Variants in CCM2 observed in about 807,000 individuals in gnomAD.
CCM2 encodes the protein cerebral cavernous malformations 2 protein.
In CCM2, 25 loss-of-function variants were observed where a neutral mutation model predicts 44.9. That is an observed-to-expected ratio of 0.56 (90% CI 0.41 to 0.78). The LOEUF (loss-of-function observed/expected upper bound fraction) is 0.78. Among genes scored for constraint, CCM2 ranks in the 30% least tolerant of loss-of-function variants. The pLI is 0.00. For synonymous variants in CCM2, 219 were observed against 241.1 expected, an observed-to-expected ratio of 0.91 and a Z score of 0.85; for missense variants, 481 against 580.6, an observed-to-expected ratio of 0.83 and a Z score of 1.76.
intron 1 of CCM2, among the ~76,000 whole-genome samples, chr7:45,034,959 C>T (rs1215511636): frequency 6.6e-6 from 1 of 152,250 alleles, no homozygotes; most frequent in Non-Finnish European, 1.5e-5. Context: ...GCCTCAGCCT[C>T]CCAAGTAGCT....
chr7:45,027,669 G>T (rs758062005), intron 1 of CCM2: 5 of 1,613,870 alleles, frequency 3.1e-6, no homozygotes, highest in Non-Finnish European at 3.4e-6. Context: ...CTAACATCTG[G>T]CCATATTTTT....
intron 2 of CCM2, among the ~76,000 whole-genome samples, chr7:45,044,982 G>A (rs1175733548): frequency 6.6e-6 from 1 of 152,188 alleles, no homozygotes; most frequent in African/African-American, 2.4e-5. Context: ...TTTGGATAGT[G>A]CTGTTCTGAA....
Position 45,064,550 on chromosome 7 carries a change from G to A in CCM2, c.376G>A (p.Asp126Asn). 1 of 1,614,022 alleles carries A rather than the reference G, an allele frequency of 6.2e-7. No homozygotes were observed. The highest frequency in any genetic ancestry group is 1.1e-5 in the South Asian group (1 of 91,074). The change falls in exon 4 of 10, where the codon GAC (aspartate) becomes AAC (asparagine). Residue 126 changes from aspartate (D) to asparagine (N), a missense_variant. Asp to Asn is a conservative substitution (Grantham distance 23). Transcript: ENST00000258781. Reference sequence around the variant, plus strand: ...GTACAACGTCAAGCTGGCCTGGAGGGACGGGGAGGATATCATCCTCAGGGT... The same window carrying A: ...GTACAACGTCAAGCTGGCCTGGAGGAACGGGGAGGATATCATCCTCAGGGT... ...SAYNVKLAWR[D>N]GEDIILRVPI...
intron 1 of CCM2, among the ~76,000 whole-genome samples, chr7:45,009,393 G>A (rs974952170): frequency 4.2e-5 from 6 of 144,486 alleles, no homozygotes; most frequent in African/African-American, 1.5e-4. Flanking sequence ...ACTAACGTTG[G>A]CTATACTTGT....
At chr7:45,036,201 A>C (rs1168400880) in intron 1 of CCM2, among the ~76,000 whole-genome samples, 1 of 152,194 alleles carries the variant, frequency 6.6e-6, no homozygotes, top group East Asian at 1.9e-4. Context: ...GCGTGGTGGC[A>C]GCGTTAGTGC....
rs1307607678 is a variant in CCM2, at chr7:45,072,960, G to A, written c.803+177G>A. ...AGGCCTGGCTCGCCGCCCTCTCCTCGTAGACTTCTAGAGCCCTTGCTGTCC... is the reference window on the plus strand; with the variant it reads ...AGGCCTGGCTCGCCGCCCTCTCCTCATAGACTTCTAGAGCCCTTGCTGTCC... On this transcript the variant is annotated intron_variant, in intron 7 of 9. Transcript: ENST00000258781. The A allele has an allele frequency of 4.1e-5, 28 of 687,160 alleles. No individual in the cohort carries two copies. The East Asian group carries it at 4.6e-4, about 11-fold the overall frequency. 42.6% of individuals were successfully genotyped at this position (687,160 alleles called of 1,614,324 possible).
At chr7:45,014,088 G>A (rs1321355343) in intron 1 of CCM2, among the ~76,000 whole-genome samples, 1 of 151,972 alleles carries the variant, frequency 6.6e-6, no homozygotes, top group Non-Finnish European at 1.5e-5. Flanking sequence ...TCAGCCAGTG[G>A]GAAGCACTTT....
Position 45,069,821 on chromosome 7 carries a change from T to G in CCM2, c.610-5T>G. 6.2e-7 allele frequency: 1 copy of G among 1,614,092 alleles called. No homozygotes were observed. The highest frequency in any genetic ancestry group is 8.5e-7 in the Non-Finnish European group (1 of 1,180,054). The stretch of plus-strand genomic sequence containing the variant: ...TGACCGAGCAGCTGCTGTCCCCCAC[T>G]GCAGGTCGCTGCGGAGGAGCTTTGC... On this transcript the variant is annotated splice_polypyrimidine_tract_variant and splice_region_variant and intron_variant, in intron 5 of 9. Coordinates refer to ENST00000258781, the MANE Select transcript of CCM2 (RefSeq NM_031443.4).
chr7:45,007,117 G>A (rs1687997767), intron 1 of CCM2, among the ~76,000 whole-genome samples: 1 of 152,188 alleles, frequency 6.6e-6, no homozygotes, highest in Admixed American at 6.5e-5. Flanking sequence ...TGTCAACATG[G>A]CCACGGACGA....
intron 2 of CCM2, 79 bp from the exon 3 acceptor site, chr7:45,063,839 T>G: frequency 2.0e-6 from 2 of 983,372 alleles, no homozygotes; most frequent in Non-Finnish European, 1.6e-6. Flanking sequence ...AGCACTTGGT[T>G]TGTGCTCTCG....
intron 1 of CCM2, among the ~76,000 whole-genome samples, chr7:45,018,419 G>A (rs1412224725): frequency 2.0e-5 from 3 of 152,076 alleles, no homozygotes; most frequent in Admixed American, 6.6e-5. Context: ...GTGCAGTGGC[G>A]TGATCTTGCT....
At chr7:45,055,243 T>C (rs185878567) in intron 2 of CCM2, among the ~76,000 whole-genome samples, 1 of 152,342 alleles carries the variant, frequency 6.6e-6, no homozygotes, top group African/African-American at 2.4e-5. Flanking sequence ...AGCAAAGCAC[T>C]TGACATATGA....
At chr7:45,045,194 G>T (rs563683607) in intron 2 of CCM2, among the ~76,000 whole-genome samples, 39 of 152,270 alleles carry the variant, frequency 2.6e-4, no homozygotes, top group Non-Finnish European at 4.4e-4. Flanking sequence ...AGCTGATAGA[G>T]CAATTTCTTT....
At chr7:45,063,558 T>C (rs1798623387) in intron 2 of CCM2, among the ~76,000 whole-genome samples, 1 of 152,234 alleles carries the variant, frequency 6.6e-6, no homozygotes, top group African/African-American at 2.4e-5. Flanking sequence ...ATGATGCCAT[T>C]GTTTTCAGTT....
intron 2 of CCM2, among the ~76,000 whole-genome samples, chr7:45,049,876 T>A (rs892164515): frequency 3.3e-5 from 5 of 152,106 alleles, no homozygotes; most frequent in African/African-American, 1.2e-4. Context: ...AAAAAACCAC[T>A]ACAACAATAA....
chr7:45,065,128 C>T (rs1798710877), intron 4 of CCM2, among the ~76,000 whole-genome samples: 1 of 151,816 alleles, frequency 6.6e-6, no homozygotes. Context: ...GTGTCCTTGC[C>T]GTCTGCTGCT....
rs530605306 is a variant in CCM2, at chr7:45,016,603, A to G, written c.30+16240A>G. On this transcript the variant is annotated intron_variant, in intron 1 of 9. Transcript: ENST00000258781. Reference sequence around the variant, plus strand: ...CCTCAGCCTCCCAAAGTGCTGGATTACAGGCATGAGCCACTGTGCCTGGCC... The same window carrying G: ...CCTCAGCCTCCCAAAGTGCTGGATTGCAGGCATGAGCCACTGTGCCTGGCC... Among the ~76,000 whole-genome samples, 18 of 149,286 alleles carry G rather than the reference A, an allele frequency of 1.2e-4. No individual in the cohort carries two copies. The East Asian group carries it at 3.4e-3, about 28-fold the overall frequency.
At chr7:45,065,469 G>T (rs1447426324) in intron 4 of CCM2, among the ~76,000 whole-genome samples, 1 of 152,242 alleles carries the variant, frequency 6.6e-6, no homozygotes, top group African/African-American at 2.4e-5. Context: ...AGGGGTCACA[G>T]TGGGTCTGCC....
chr7:45,022,066 TG>T (rs1479617884), intron 1 of CCM2, among the ~76,000 whole-genome samples: 100 of 152,286 alleles, frequency 6.6e-4, no homozygotes, highest in African/African-American at 2.1e-3. Flanking sequence ...CCAATAGCAG[TG>T]GAGCACACCT....
Sources: allele counts gnomAD v4.1 joint callset (sites outside exome capture counted in the v4.1 genomes callset), GRCh38; gene constraint gnomAD v4.1.1; transcripts MANE v1.5; gene names NCBI Gene and HGNC (gene_info 2026-07-23, HGNC 2026-07-21).